The following CD44 variants were observed in gnomAD, a reference collection of about 807,000 sequenced individuals.
The protein encoded by CD44 is CD44 molecule (IN blood group), also known as CD44 antigen.
In CD44, 49 loss-of-function variants were observed where a neutral mutation model predicts 88.8. The observed-to-expected ratio is 0.55, with a 90% CI of 0.44 to 0.70. The LOEUF is 0.70. CD44 is among the 30% of genes least tolerant of loss of function. The probability of loss-of-function intolerance (pLI) is 0.00; values close to 1 mark genes in which losing one functional copy is unlikely to be tolerated. For synonymous variants in CD44, 325 were observed against 312.3 expected (o/e 1.04, Z -0.43); for missense variants, 883 against 913.8 (o/e 0.97, Z 0.43).
chr11:35,186,136 T>C (rs1332956056), intron 3 of CD44, among the ~76,000 whole-genome samples: 1 of 152,030 alleles, frequency 6.6e-6, no homozygotes, highest in South Asian at 2.1e-4. Context: ...AGGCCAAAGG[T>C]GGTCAACCTC....
chr11:35,190,023 A>G lies in CD44; in HGVS notation c.625A>G (p.Ser209Gly), dbSNP rs1168671227. 1 of 1,614,230 alleles carries G rather than the reference A, an allele frequency of 6.2e-7. No individual in the cohort carries two copies. Among genetic ancestry groups the G allele is most frequent in the Non-Finnish European group, 8.5e-7 (1 of 1,180,022 alleles). ...TGTACACCCCATCCCAGACGAAGACAGTCCCTGGATCACCGACAGCACAGA... is the reference window on the plus strand; with the variant it reads ...TGTACACCCCATCCCAGACGAAGACGGTCCCTGGATCACCGACAGCACAGA... ...STVHPIPDED[S>G]PWITDSTDRI... Residue 209 changes from serine (S) to glycine (G), a missense_variant, in exon 5 of 18, where the codon AGT becomes GGT. By Grantham distance (56) the Ser-to-Gly change is moderately conservative. Transcript: ENST00000428726.
At chr11:35,197,802 G>C (rs969414870) in intron 6 of CD44, 1 of 229,528 alleles carries the variant, frequency 4.4e-6, no homozygotes, top group African/African-American at 2.3e-5. Context: ...TGGTTAATGA[G>C]TTAATAATAA....
At chr11:35,168,081 C>G (rs1425671603) in intron 1 of CD44, among the ~76,000 whole-genome samples, 1 of 152,178 alleles carries the variant, frequency 6.6e-6, no homozygotes, top group Non-Finnish European at 1.5e-5. Context: ...TCCACTGAAG[C>G]CTTACCAGGC....
chr11:35,225,566 C>T (rs1184840698), intron 17 of CD44, among the ~76,000 whole-genome samples: 2 of 152,124 alleles, frequency 1.3e-5, no homozygotes, highest in Non-Finnish European at 2.9e-5. Flanking sequence ...CCTGTAATCC[C>T]AGCACTTTGG....
At chr11:35,226,880 C>CTTTTTTTTTTTTTT (rs367551052) in intron 17 of CD44, among the ~76,000 whole-genome samples, 1 of 106,212 alleles carries the variant, frequency 9.4e-6, no homozygotes, top group Non-Finnish European at 1.8e-5. Flanking sequence ...TTCTTTTTTC[C>CTTTTTTTTTTTTTT]TTTTTTTTTT....
At chr11:35,213,487 C>A (rs1948574106) in intron 14 of CD44, 1 of 152,236 alleles carries the variant, frequency 6.6e-6, no homozygotes, top group South Asian at 2.1e-4. Flanking sequence ...CTCGTCTCTA[C>A]TAAAAATACA....
intron 1 of CD44, among the ~76,000 whole-genome samples, chr11:35,160,705 A>G (rs1458331429): frequency 2.0e-5 from 3 of 152,206 alleles, no homozygotes; most frequent in Non-Finnish European, 4.4e-5. Context: ...AAGAAGCCTG[A>G]TATTAAAACT....
chr11:35,169,244 G>T (rs1295974012), intron 1 of CD44, among the ~76,000 whole-genome samples: 1 of 152,066 alleles, frequency 6.6e-6, no homozygotes, highest in Non-Finnish European at 1.5e-5. Flanking sequence ...GTGAAGAAGG[G>T]AGACACCATT....
chr11:35,171,841 CAA>C (rs112643797), intron 1 of CD44, among the ~76,000 whole-genome samples: 8 of 138,490 alleles, frequency 5.8e-5, no homozygotes, highest in Admixed American at 2.1e-4. Context: ...GATTAAGTAA[CAA>C]AAAAAAAAAA....
At chr11:35,205,662 C>A in intron 10 of CD44, 1 of 270,246 alleles carries the variant, frequency 3.7e-6, no homozygotes, top group Non-Finnish European at 5.7e-6. Flanking sequence ...TCATATTGAT[C>A]ACATGGAAAG....
At chr11:35,187,713 A>G (rs907210946) in intron 4 of CD44, among the ~76,000 whole-genome samples, 1 of 152,132 alleles carries the variant, frequency 6.6e-6, no homozygotes, top group Non-Finnish European at 1.5e-5. Flanking sequence ...GTGTAGGGGC[A>G]TTTTGGCCCT....
chr11:35,151,124 G>A (rs1318258512), intron 1 of CD44, among the ~76,000 whole-genome samples: 2 of 152,166 alleles, frequency 1.3e-5, no homozygotes, highest in African/African-American at 4.8e-5. Context: ...CAGAGAGAGG[G>A]GAGAGGAGAG....
chr11:35,140,393 G>A (rs1349335002), intron 1 of CD44, among the ~76,000 whole-genome samples: 1 of 152,178 alleles, frequency 6.6e-6, no homozygotes. Flanking sequence ...AGTGCCAGCT[G>A]GGTCATTAAG....
chr11:35,188,719 C>T (rs1269561698), intron 4 of CD44, among the ~76,000 whole-genome samples: 3 of 152,036 alleles, frequency 2.0e-5, no homozygotes, highest in Non-Finnish European at 4.4e-5. Context: ...AGGCAGATCA[C>T]CTGAGGTCAG....
At position 35,222,408 on chromosome 11, in the gene CD44, A is replaced by T. The variant is rs1226415554; in HGVS notation, c.2024+676A>T. 6.2e-6 allele frequency: 8 copies of T among 1,299,028 alleles called. No individual in the cohort carries two copies. The Middle Eastern group carries it at 1.5e-3, about 243-fold the overall frequency. The allele number at this position is 1,299,028 out of a possible 1,614,324, so 80.5% of individuals were successfully genotyped here. On this transcript the variant is annotated intron_variant, in intron 17 of 17. Coordinates refer to ENST00000428726, the MANE Select transcript of CD44 (RefSeq NM_000610.4). ...ATTCAGGTTATAGCATAAGAAGAGC[A>T]CTGTTTCATCGTCTTCTTGCTGTTA... is the stretch of plus-strand genomic sequence containing the variant.
chr11:35,171,167 G>A (rs1004033347), intron 1 of CD44, among the ~76,000 whole-genome samples: 1 of 152,212 alleles, frequency 6.6e-6, no homozygotes, highest in Non-Finnish European at 1.5e-5. Context: ...GTTTGCGTTA[G>A]TATCAAGGAA....
At position 35,229,192 on chromosome 11, in the gene CD44, A is replaced by C. The variant is rs1949934569; in HGVS notation, c.2088A>C (p.Pro696=). ...ATGGAGCTGTGGAGGACAGAAAGCC[A>C]AGTGGACTCAACGGAGAGGCCAGCA... The part of the protein sequence containing the change: ...SGNGAVEDRK[P]SGLNGEASKS... The change falls in exon 18 of 18, where the codon CCA becomes CCC. Residue 696 remains proline (P), a synonymous_variant. Coordinates refer to ENST00000428726, the MANE Select transcript of CD44 (RefSeq NM_000610.4). 6.2e-7 allele frequency: 1 copy of C among 1,614,008 alleles called. No homozygotes were observed. Among genetic ancestry groups the C allele is most frequent in the African/African-American group, 1.3e-5 (1 of 74,928 alleles).
intron 3 of CD44, among the ~76,000 whole-genome samples, chr11:35,181,918 A>ATT (rs1305338356): frequency 5.0e-5 from 3 of 60,410 alleles, no homozygotes; most frequent in South Asian, 4.3e-4. Flanking sequence ...TATATATTAT[A>ATT]TATTATATTA....
At chr11:35,184,830 C>T (rs1024336245) in intron 3 of CD44, among the ~76,000 whole-genome samples, 10 of 152,222 alleles carry the variant, frequency 6.6e-5, no homozygotes, top group Admixed American at 3.3e-4. Context: ...AATCTAAATG[C>T]GTGACCTGTA....
Sources: gnomAD v4.1 joint callset for allele counts (sites outside exome capture counted in the v4.1 genomes callset) on GRCh38, gnomAD v4.1.1 for gene constraint, MANE v1.5 for transcripts, NCBI Gene and HGNC (gene_info 2026-07-23, HGNC 2026-07-21) for gene names.